INVS: variants seen among roughly 807,000 people sequenced by gnomAD.
The protein encoded by INVS is inversin, also known as inversion of embryo turning homolog.
In INVS, 86 loss-of-function variants were observed where a neutral mutation model predicts 108.8. The ratio of observed to expected loss-of-function variants is 0.79; its 90% CI spans 0.66 to 0.95. The LOEUF is 0.95. Ranked by LOEUF, INVS falls within the 40% of genes least tolerant of loss-of-function variation. The pLI is 0.00. For missense variants in INVS, 1,169 were observed against 1,297.4 expected, an observed-to-expected ratio of 0.90 and a Z score of 1.52; for synonymous variants, 455 against 473.5, an observed-to-expected ratio of 0.96 and a Z score of 0.51.
At chr9:100,249,719 T>G (rs1208956836) in intron 8 of INVS, among the ~76,000 whole-genome samples, 2 of 148,464 alleles carry the variant, frequency 1.3e-5, no homozygotes, top group African/African-American at 5.0e-5. Context: ...GTCTTGAACA[T>G]CTGACCTCAA....
chr9:100,220,136 T>A (rs1338119), intron 3 of INVS, among the ~76,000 whole-genome samples: 50,072 of 151,428 alleles, frequency 0.33, 8,987 homozygotes, highest in Non-Finnish European at 0.42. Flanking sequence ...TGCTTTTTTT[T>A]TAAAAAAAGG....
intron 1 of INVS, among the ~76,000 whole-genome samples, chr9:100,103,398 G>T (rs1185608231): frequency 1.1e-4 from 16 of 151,874 alleles, no homozygotes; most frequent in Admixed American, 9.8e-4. Context: ...ATGCCAAGGT[G>T]GGCAGATCAC....
intron 11 of INVS, among the ~76,000 whole-genome samples, chr9:100,269,803 C>A (rs746962229): frequency 6.6e-6 from 1 of 152,092 alleles, no homozygotes; most frequent in African/African-American, 2.4e-5. Context: ...ATGGGATGGT[C>A]ATAGATACTA....
chr9:100,260,466 C>T (rs1588129573), intron 10 of INVS, among the ~76,000 whole-genome samples: 1 of 152,166 alleles, frequency 6.6e-6, no homozygotes, highest in Admixed American at 6.5e-5. Flanking sequence ...GCTGGGATTA[C>T]AGGTGTGAGC....
chr9:100,106,098 T>G (rs1827170988), intron 2 of INVS, among the ~76,000 whole-genome samples: 1 of 152,104 alleles, frequency 6.6e-6, no homozygotes, highest in Non-Finnish European at 1.5e-5. Context: ...TTCCCCCTCC[T>G]TTCATTCTCT....
chr9:100,241,979 G>A (rs1831888923), intron 6 of INVS, among the ~76,000 whole-genome samples: 2 of 152,096 alleles, frequency 1.3e-5, no homozygotes, highest in African/African-American at 4.8e-5. Flanking sequence ...GCACTACATT[G>A]TCTTCATCGC....
At chr9:100,280,134 T>C (rs1833231727) in intron 12 of INVS, among the ~76,000 whole-genome samples, 1 of 152,210 alleles carries the variant, frequency 6.6e-6, no homozygotes, top group Admixed American at 6.5e-5. Flanking sequence ...GCTAGTGATT[T>C]GTAAAAATTT....
intron 3 of INVS, among the ~76,000 whole-genome samples, chr9:100,177,446 G>A (rs1588064348): frequency 6.6e-6 from 1 of 152,158 alleles, no homozygotes; most frequent in Non-Finnish European, 1.5e-5. Context: ...GGGGGGAGGG[G>A]CGTCCCCCAT....
intron 3 of INVS, among the ~76,000 whole-genome samples, chr9:100,188,914 T>A (rs903993929): frequency 1.3e-5 from 2 of 151,964 alleles, no homozygotes; most frequent in African/African-American, 4.8e-5. Context: ...TTCTTCCTAA[T>A]TGAAGATGGG....
intron 7 of INVS, among the ~76,000 whole-genome samples, chr9:100,243,287 TTCTTAA>T (rs1831938011): frequency 6.6e-6 from 1 of 152,208 alleles, no homozygotes; most frequent in South Asian, 2.1e-4. Context: ...TTACACAAGT[TTCTTAA>T]TCTTAGTTTC....
intron 3 of INVS, among the ~76,000 whole-genome samples, chr9:100,186,400 C>T (rs1360883434): frequency 2.6e-5 from 4 of 152,070 alleles, no homozygotes; most frequent in African/African-American, 9.7e-5. Flanking sequence ...ATCCACCCAC[C>T]TCAGCCTCCC....
At chr9:100,212,744 C>A (rs1252446341) in intron 3 of INVS, among the ~76,000 whole-genome samples, 2 of 152,220 alleles carry the variant, frequency 1.3e-5, no homozygotes, top group African/African-American at 4.8e-5. Flanking sequence ...TGTAATAACC[C>A]CCTTACTGCT....
At chr9:100,230,499 C>T (rs553491592) in intron 5 of INVS, among the ~76,000 whole-genome samples, 39 of 152,106 alleles carry the variant, frequency 2.6e-4, no homozygotes, top group Non-Finnish European at 4.6e-4. Context: ...TTCTTTCTCG[C>T]TCAACCTTAT....
At chr9:100,196,387 A>G (rs1054381803) in intron 3 of INVS, among the ~76,000 whole-genome samples, 1 of 152,144 alleles carries the variant, frequency 6.6e-6, no homozygotes. Flanking sequence ...ACTCAAGAAC[A>G]TATGTTAAGA....
intron 11 of INVS, among the ~76,000 whole-genome samples, chr9:100,270,949 T>C (rs1388973469): frequency 6.7e-6 from 1 of 149,864 alleles, no homozygotes; most frequent in Non-Finnish European, 1.5e-5. Flanking sequence ...AAAAAAAGAA[T>C]GTGCCGAAAA....
At chr9:100,288,281 C>A (rs1291530374) in intron 13 of INVS, among the ~76,000 whole-genome samples, 1 of 152,192 alleles carries the variant, frequency 6.6e-6, no homozygotes, top group African/African-American at 2.4e-5. Flanking sequence ...CCCATGTTTG[C>A]AGCTGAGTAG....
intron 8 of INVS, among the ~76,000 whole-genome samples, chr9:100,250,849 C>T (rs564365284): frequency 1.1e-3 from 164 of 152,326 alleles, no homozygotes; most frequent in African/African-American, 3.8e-3. Flanking sequence ...CAAATGTCTT[C>T]CATCACTGAC....
At chr9:100,161,670 C>G (rs550715605) in intron 3 of INVS, among the ~76,000 whole-genome samples, 3 of 152,202 alleles carry the variant, frequency 2.0e-5, no homozygotes, top group Admixed American at 1.3e-4. Flanking sequence ...CATCAATTTT[C>G]TAGACCTTGG....
At chr9:100,183,607 A>G (rs1475681020) in intron 3 of INVS, among the ~76,000 whole-genome samples, 2 of 152,150 alleles carry the variant, frequency 1.3e-5, no homozygotes, top group Admixed American at 6.5e-5. Context: ...GCCCTGGGCA[A>G]CATGGTGAAA....
Sources: allele counts gnomAD v4.1 joint callset (sites outside exome capture counted in the v4.1 genomes callset), GRCh38; gene constraint gnomAD v4.1.1; transcripts MANE v1.5; gene names NCBI Gene and HGNC (gene_info 2026-07-23, HGNC 2026-07-21).